Variants in DGKH observed in about 807,000 individuals in gnomAD.
The protein encoded by DGKH is DAG kinase eta.
Under a neutral mutation model 159.3 loss-of-function variants are expected in DGKH, and 90 were observed. The ratio of observed to expected loss-of-function variants is 0.57; its 90% confidence interval spans 0.48 to 0.67. DGKH has a LOEUF of 0.67. Among genes scored for constraint, DGKH ranks in the 30% least tolerant of loss-of-function variants. The probability of loss-of-function intolerance (pLI) is 0.00; values close to 1 mark genes in which losing one functional copy is unlikely to be tolerated. For missense variants in DGKH, 1,181 were observed against 1,506.1 expected (o/e 0.78, Z 3.57); for synonymous variants, 536 against 553.8 (o/e 0.97, Z 0.45).
At chr13:42,168,055 G>A (rs755559211) in intron 9 of DGKH, among the ~76,000 whole-genome samples, 1 of 152,132 alleles carries the variant, frequency 6.6e-6, no homozygotes, top group Non-Finnish European at 1.5e-5. Flanking sequence ...TCACTCATTA[G>A]CATCAGCACC....
At chr13:42,106,845 A>G (rs1226379848) in intron 1 of DGKH, among the ~76,000 whole-genome samples, 1 of 151,468 alleles carries the variant, frequency 6.6e-6, no homozygotes, top group Non-Finnish European at 1.5e-5. Context: ...GTTCAAGACC[A>G]GCGTGGCTAA....
chr13:42,154,972 G>A (rs1460410999), intron 3 of DGKH, among the ~76,000 whole-genome samples: 2 of 152,040 alleles, frequency 1.3e-5, no homozygotes, highest in South Asian at 2.1e-4. Flanking sequence ...TTCCTGCTAA[G>A]CTTACTATGA....
At chr13:42,248,429 A>AAT (rs1382588517) in intron 29 of DGKH, among the ~76,000 whole-genome samples, 2 of 148,266 alleles carry the variant, frequency 1.3e-5, no homozygotes, top group African/African-American at 4.9e-5. Flanking sequence ...CCGTCTCAAA[A>AAT]AAATATATAT....
Position 42,241,987 on chromosome 13 carries a change from T to C in DGKH, c.*12799T>C, listed in dbSNP as rs1958522538. ...GTATTCACAGTTTGATAGGCATATT[T>C]TGAAGTCATTGTTTTCCATCAGTAT... On this transcript the variant is annotated 3_prime_UTR_variant, in exon 30 of 30. Transcript: ENST00000337343. 6.6e-6 allele frequency: 1 copy of C among 152,232 alleles called. No individual in the cohort carries two copies. Among genetic ancestry groups the C allele is most frequent in the South Asian group, 2.1e-4 (1 of 4,832 alleles). The allele number at this position is 152,232 out of a possible 1,614,324, so 9.4% of individuals were successfully genotyped here. A position where few individuals can be genotyped will look rare whatever the true frequency, so the allele number is the denominator to read the frequency against.
chr13:42,058,901 C>T (rs1881943720), intron 1 of DGKH, among the ~76,000 whole-genome samples: 1 of 152,096 alleles, frequency 6.6e-6, no homozygotes, highest in South Asian at 2.1e-4. Flanking sequence ...TCCCTGAATC[C>T]CATTAGCCAC....
intron 3 of DGKH, among the ~76,000 whole-genome samples, chr13:42,132,552 T>G (rs1955309786): frequency 6.6e-6 from 1 of 152,230 alleles, no homozygotes. Flanking sequence ...GCTTGTGATC[T>G]CTCCTGTAAT....
intron 1 of DGKH, among the ~76,000 whole-genome samples, chr13:42,067,907 A>G (rs2137684340): frequency 6.6e-6 from 1 of 152,290 alleles, no homozygotes; most frequent in East Asian, 1.9e-4. Context: ...AAAATGTCTT[A>G]TCATGTACAA....
At position 42,041,444 on chromosome 13, in the gene DGKH, C is replaced by T. The variant is rs141605202; in HGVS notation, c.-13+1318C>T. On this transcript the variant is annotated intron_variant, in intron 1 of 29. Coordinates refer to the DGKH transcript ENST00000379274. ...AAGCTTGGGCGTCTGGAGGGTGCAA[C>T]GGGTTTTGCCGGGGACGAAGCAGAA... Among the ~76,000 whole-genome samples, 1,355 of 152,314 alleles carry T rather than the reference C, an allele frequency of 8.9e-3. 18 individuals carry two copies. Among genetic ancestry groups the T allele is most frequent in the African/African-American group, 0.031 (1,272 of 41,566 alleles).
intron 17 of DGKH, among the ~76,000 whole-genome samples, chr13:42,196,138 A>G (rs1017248396): frequency 5.3e-5 from 8 of 152,238 alleles, no homozygotes; most frequent in Non-Finnish European, 8.8e-5. Context: ...TGATCAAAAT[A>G]GACAGATGAT....
At chr13:42,087,044 A>AACACACACACAC (rs71298957) in intron 1 of DGKH, among the ~76,000 whole-genome samples, 1,606 of 140,104 alleles carry the variant, frequency 0.011, 8 homozygotes, top group Non-Finnish European at 0.015. Context: ...CCAGAAGGAA[A>AACACACACACAC]ACACACACAC....
At chr13:42,211,503 G>A (rs1957657468) in intron 24 of DGKH, among the ~76,000 whole-genome samples, 1 of 152,118 alleles carries the variant, frequency 6.6e-6, no homozygotes, top group African/African-American at 2.4e-5. Flanking sequence ...TTCGAGACCA[G>A]CCTGGCCAAC....
downstream of DGKH, among the ~76,000 whole-genome samples, chr13:42,246,352 G>T (rs1019131444): frequency 2.6e-4 from 40 of 152,128 alleles, no homozygotes; most frequent in Non-Finnish European, 1.2e-4. Context: ...GGGAGGCCAA[G>T]GGAGGAGGAT....
At chr13:42,158,963 C>G (rs1323179749) in intron 5 of DGKH, among the ~76,000 whole-genome samples, 1 of 152,164 alleles carries the variant, frequency 6.6e-6, no homozygotes, top group Non-Finnish European at 1.5e-5. Flanking sequence ...CTCTCTCCCT[C>G]TCTCCTATGT....
intron 7 of DGKH, among the ~76,000 whole-genome samples, chr13:42,163,024 C>CA (rs1405211997): frequency 2.0e-5 from 3 of 147,060 alleles, no homozygotes; most frequent in East Asian, 4.0e-4. Context: ...CCCCCAACCC[C>CA]ACAACAGTCC....
chr13:42,179,740 C>T (rs1302187135), intron 13 of DGKH, among the ~76,000 whole-genome samples: 1 of 148,046 alleles, frequency 6.8e-6, no homozygotes, highest in Non-Finnish European at 1.5e-5. Context: ...AAGATGGCAC[C>T]ACTGCACTCC....
intron 1 of DGKH, among the ~76,000 whole-genome samples, chr13:42,089,853 G>A (rs1954381579): frequency 6.6e-6 from 1 of 152,060 alleles, no homozygotes; most frequent in Non-Finnish European, 1.5e-5. Context: ...GTCTCTTTGT[G>A]GAGGGACATT....
rs535710875 is a variant in DGKH, at chr13:42,169,327, G to A, written c.1367+509G>A. The stretch of plus-strand genomic sequence containing the variant: ...AAAATATAAGCAGTCCTTTCCCAGG[G>A]GCAGGAAAATATTAGGAAGACAGCT... On this transcript the variant is annotated intron_variant, in intron 11 of 29. Coordinates refer to ENST00000337343, the MANE Select transcript of DGKH (RefSeq NM_178009.5). Among the ~76,000 whole-genome samples the A allele has an allele frequency of 3.9e-5, 6 of 152,116 alleles. No homozygotes were observed. In the East Asian group the frequency reaches 1.2e-3, roughly 29 times the overall value.
downstream of DGKH, among the ~76,000 whole-genome samples, chr13:42,245,809 C>T (rs958025305): frequency 1.3e-5 from 2 of 152,046 alleles, no homozygotes; most frequent in Non-Finnish European, 2.9e-5. Flanking sequence ...GGTCTCGAAC[C>T]CCTGACCTCA....
chr13:42,096,000 G>A (rs79979744), intron 1 of DGKH, among the ~76,000 whole-genome samples: 293 of 152,120 alleles, frequency 1.9e-3, no homozygotes, highest in Non-Finnish European at 3.5e-3. Flanking sequence ...AAACTTTTTT[G>A]ATTTTATGAA....
Sources: gnomAD v4.1 joint callset for allele counts (sites outside exome capture counted in the v4.1 genomes callset) on GRCh38, gnomAD v4.1.1 for gene constraint, MANE v1.5 for transcripts, NCBI Gene and HGNC (gene_info 2026-07-23, HGNC 2026-07-21) for gene names.